ROBO2: variants seen among roughly 807,000 people sequenced by gnomAD.
ROBO2 encodes the protein roundabout guidance receptor 2.
A neutral mutation model predicts 160.8 loss-of-function variants in ROBO2; 53 were observed. The ratio of observed to expected loss-of-function variants is 0.33; its 90% CI spans 0.26 to 0.41. ROBO2 has a LOEUF of 0.41. Ranked by LOEUF, ROBO2 falls within the 10% of genes least tolerant of loss-of-function variation. The probability of loss-of-function intolerance (pLI) is 1.00; values close to 1 mark genes in which losing one functional copy is unlikely to be tolerated. For synonymous variants in ROBO2, 664 were observed against 611.7 expected (o/e 1.09, Z -1.26); for missense variants, 1,577 against 1,722.4 (o/e 0.92, Z 1.49).
At chr3:77,065,483 T>A (rs1578664321) in intron 1 of ROBO2, among the ~76,000 whole-genome samples, 1 of 152,166 alleles carries the variant, frequency 6.6e-6, no homozygotes, top group East Asian at 1.9e-4. Flanking sequence ...TTTTCAAAAT[T>A]CCATTAAAGT....
At chr3:77,643,845 T>G (rs2153724275) in intron 24 of ROBO2, among the ~76,000 whole-genome samples, 1 of 152,268 alleles carries the variant, frequency 6.6e-6, no homozygotes, top group South Asian at 2.1e-4. Flanking sequence ...AATATCTAGG[T>G]TTAGTGAAAC....
rs557734920 is a variant in ROBO2, at chr3:76,600,390, T to G, written c.110-497624T>G. On this transcript the variant is annotated intron_variant, in intron 2 of 26. Coordinates refer to the ROBO2 transcript ENST00000487694. ...TACCAAAATATTGTAAGTCTCTGTG[T>G]TAGTTCGTTTTCATGCTGCTGATAA... 3.4e-4 allele frequency among the ~76,000 whole-genome samples: 52 copies of G among 152,304 alleles called. No homozygotes were observed. In the South Asian group the frequency reaches 9.9e-3, roughly 29 times the overall value.
chr3:76,360,275 TAA>T (rs765183167), intron 2 of ROBO2, among the ~76,000 whole-genome samples: 6 of 152,182 alleles, frequency 3.9e-5, no homozygotes, highest in Non-Finnish European at 8.8e-5. Context: ...AAGAAAACAA[TAA>T]GTTTCCCTTT....
At chr3:77,298,284 T>A (rs1321044310) in intron 2 of ROBO2, among the ~76,000 whole-genome samples, 1 of 152,146 alleles carries the variant, frequency 6.6e-6, no homozygotes, top group Non-Finnish European at 1.5e-5. Context: ...CTAATAACTC[T>A]TAGGAGTTCA....
intron 2 of ROBO2, among the ~76,000 whole-genome samples, chr3:77,263,408 C>T (rs948972526): frequency 6.6e-6 from 1 of 152,072 alleles, no homozygotes; most frequent in Non-Finnish European, 1.5e-5. Context: ...TTCCTCCCAC[C>T]GTCCATTATC....
chr3:77,608,825 T>C (rs1448862456), intron 21 of ROBO2, among the ~76,000 whole-genome samples: 1 of 151,992 alleles, frequency 6.6e-6, no homozygotes, highest in African/African-American at 2.4e-5. Context: ...TTTTTTTCAC[T>C]TAGAAATAGT....
At chr3:77,523,655 A>G (rs1395351041) in intron 6 of ROBO2, among the ~76,000 whole-genome samples, 1 of 151,392 alleles carries the variant, frequency 6.6e-6, no homozygotes, top group Non-Finnish European at 1.5e-5. Flanking sequence ...GGGAAATTAC[A>G]TAGTTCAAGG....
intron 2 of ROBO2, among the ~76,000 whole-genome samples, chr3:77,139,823 C>T (rs935137962): frequency 6.6e-6 from 1 of 152,272 alleles, no homozygotes. Flanking sequence ...TGCTTCCCCT[C>T]ATTTTGATAA....
At chr3:77,375,039 T>C (rs973394615) in intron 2 of ROBO2, among the ~76,000 whole-genome samples, 3 of 152,090 alleles carry the variant, frequency 2.0e-5, no homozygotes, top group African/African-American at 7.2e-5. Context: ...CAAGACCCTG[T>C]CTCTACAAAA....
chr3:76,767,373 TAATC>T (rs577311002), intron 2 of ROBO2, among the ~76,000 whole-genome samples: 147 of 151,730 alleles, frequency 9.7e-4, no homozygotes, highest in African/African-American at 3.4e-3. Context: ...ATTCATAAAA[TAATC>T]AATAAGCAAT....
chr3:77,225,271 T>C (rs904161183), intron 2 of ROBO2, among the ~76,000 whole-genome samples: 1 of 151,952 alleles, frequency 6.6e-6, no homozygotes, highest in Non-Finnish European at 1.5e-5. Context: ...TTGGAATTAC[T>C]ATGCTCATGT....
chr3:76,952,204 T>C (rs1294429310), intron 2 of ROBO2, among the ~76,000 whole-genome samples: 1 of 152,240 alleles, frequency 6.6e-6, no homozygotes, highest in Non-Finnish European at 1.5e-5. Flanking sequence ...GTATAATAGA[T>C]GGTTGCCAAT....
chr3:77,067,516 T>C (rs553667910), intron 1 of ROBO2, among the ~76,000 whole-genome samples: 1 of 152,292 alleles, frequency 6.6e-6, no homozygotes, highest in East Asian at 1.9e-4. Context: ...TGCGCTTGAA[T>C]TGGATATGCA....
At chr3:76,359,017 G>C (rs2324544) in intron 2 of ROBO2, among the ~76,000 whole-genome samples, 27,615 of 146,702 alleles carry the variant, frequency 0.19, 3,894 homozygotes, top group African/African-American at 0.4. Flanking sequence ...GTGAGAACAC[G>C]CGGTGTTTGG....
At chr3:77,481,071 C>T in intron 3 of ROBO2, 28 bp from the exon 4 acceptor site, 1 of 1,588,956 alleles carries the variant, frequency 6.3e-7, no homozygotes, top group Non-Finnish European at 8.6e-7. Context: ...TTCTTCCCTT[C>T]TCTTTTCTTT....
chr3:76,798,644 C>T (rs970070557), intron 2 of ROBO2, among the ~76,000 whole-genome samples: 1 of 152,124 alleles, frequency 6.6e-6, no homozygotes, highest in Non-Finnish European at 1.5e-5. Context: ...ATAATCCCAA[C>T]ACTTTGGGAT....
chr3:77,640,407 C>T (rs1036772300), intron 24 of ROBO2, among the ~76,000 whole-genome samples: 1 of 152,180 alleles, frequency 6.6e-6, no homozygotes, highest in African/African-American at 2.4e-5. Flanking sequence ...AGCCACTGCG[C>T]CCGGCCGCAT....
At chr3:76,053,195 A>G (rs1363656368) in intron 2 of ROBO2, among the ~76,000 whole-genome samples, 2 of 151,978 alleles carry the variant, frequency 1.3e-5, no homozygotes, top group Admixed American at 6.6e-5. Flanking sequence ...GTTAAAGTAC[A>G]TGATTCATTT....
At chr3:77,055,017 A>G (rs1396864872) in intron 1 of ROBO2, among the ~76,000 whole-genome samples, 1 of 151,726 alleles carries the variant, frequency 6.6e-6, no homozygotes, top group African/African-American at 2.4e-5. Context: ...TAAAGTCCCT[A>G]CATGTTAATT....
Sources: gnomAD v4.1 joint callset for allele counts (sites outside exome capture counted in the v4.1 genomes callset) on GRCh38, gnomAD v4.1.1 for gene constraint, MANE v1.5 for transcripts, NCBI Gene and HGNC (gene_info 2026-07-23, HGNC 2026-07-21) for gene names.